TRIM47: variants seen among roughly 807,000 people sequenced by gnomAD.
The protein encoded by TRIM47 is E3 ubiquitin-protein ligase TRIM47.
Under a neutral mutation model 54.4 loss-of-function variants are expected in TRIM47, and 46 were observed. That is an observed-to-expected ratio of 0.84 (90% CI 0.67 to 1.08). The LOEUF (loss-of-function observed/expected upper bound fraction) is 1.08, where lower values mean the gene tolerates loss of function less well. Ranked by LOEUF, TRIM47 falls within the 50% of genes least tolerant of loss-of-function variation. The pLI is 0.00. For synonymous variants in TRIM47, 392 were observed against 410.2 expected (o/e 0.96, Z 0.54); for missense variants, 825 against 910.1 (o/e 0.91, Z 1.20).
intron 1 of TRIM47, chr17:75,877,591 G>C: frequency 9.7e-7 from 1 of 1,035,068 alleles, no homozygotes; most frequent in Non-Finnish European, 1.2e-6. Flanking sequence ...GGCCTAACCC[G>C]GCTCCCTCCC....
Position 75,874,588 on chromosome 17 carries a change from G to A in TRIM47, c.1812C>T (p.Leu604=). 1 of 1,543,808 alleles carries A rather than the reference G, an allele frequency of 6.5e-7. No homozygotes were observed. Among genetic ancestry groups the A allele is most frequent in the Admixed American group, 2.1e-5 (1 of 47,574 alleles). Reference sequence around the variant, plus strand: ...AGGCAGGCTTGAGTCTGTGGGTGAAGAGCCCCGCAAAGTGACTGTCCAGGC... The same window carrying A: ...AGGCAGGCTTGAGTCTGTGGGTGAAAAGCCCCGCAAAGTGACTGTCCAGGC... ...QSRLDSHFAG[L]FTHRLKPAFF... is the part of the protein sequence containing the mutation. The change falls in exon 6 of 6, where the codon CTC becomes CTT. Residue 604 remains leucine, a synonymous_variant. Transcript: ENST00000254816. This position sits in a 1 kb window ranked among gnomAD's most constrained non-coding sequence, Gnocchi z 6.2.
At position 75,877,892 on chromosome 17, in the gene TRIM47, C is replaced by T; in HGVS notation, c.657G>A (p.Gln219=). 3 of 1,404,914 alleles carry T rather than the reference C, an allele frequency of 2.1e-6. No homozygotes were observed. The highest frequency in any genetic ancestry group is 2.8e-6 in the Non-Finnish European group (3 of 1,082,310). The allele number at this position is 1,404,914 out of a possible 1,614,324, so 87.0% of individuals were successfully genotyped here. A position where few individuals can be genotyped will look rare whatever the true frequency, so the allele number is the denominator to read the frequency against. ...AGCCCACCTCCTGAAGCGCGCGCTC[C>T]TGCTCCAGCGGCACCAGCTCGTGGC... is the stretch of plus-strand genomic sequence containing the variant. The part of the protein sequence containing the change: ...HRGHELVPLE[Q]ERALQEAEQS... Residue 219 remains glutamine, a synonymous_variant, in exon 1 of 6, where the codon CAG becomes CAA. Transcript: ENST00000254816.
In TRIM47 at chr17:75,875,169, C is replaced by T. The variant is rs374649710; in HGVS notation, c.1277-46G>A. ...GAGAGGCAGGGCTCAGGGCCAGGCTCAGAGGGCACGGCCCCTCCCCAAGTA... is the reference window on the plus strand; with the variant it reads ...GAGAGGCAGGGCTCAGGGCCAGGCTTAGAGGGCACGGCCCCTCCCCAAGTA... On this transcript the variant is annotated intron_variant, in intron 5 of 5. Coordinates refer to ENST00000254816, the MANE Select transcript of TRIM47 (RefSeq NM_033452.3). This position sits in a 1 kb window ranked among gnomAD's most constrained non-coding sequence, Gnocchi z 6.1. 4 of 1,547,696 alleles carry T rather than the reference C, an allele frequency of 2.6e-6. No individual in the cohort carries two copies. Among genetic ancestry groups the T allele is most frequent in the Non-Finnish European group, 3.5e-6 (4 of 1,146,684 alleles).
At position 75,875,490 on chromosome 17, in the gene TRIM47, CAG is replaced by C; in HGVS notation, c.1202-18_1202-17del. On this transcript the variant is annotated splice_polypyrimidine_tract_variant and intron_variant, in intron 4 of 5. Coordinates refer to ENST00000254816, the MANE Select transcript of TRIM47 (RefSeq NM_033452.3). The surrounding 1 kb of genome is among the most constrained non-coding windows in gnomAD (Gnocchi z 6.1). The stretch of plus-strand genomic sequence containing the variant: ...TCAGCATCAGCTGTAGAAGAGGAGA[CAG>C]TGGTGAGAACGCCCCCAGACTGCCC... The C allele has an allele frequency of 6.2e-7, 1 of 1,613,296 alleles. No homozygotes were observed. Among genetic ancestry groups the C allele is most frequent in the Non-Finnish European group, 8.5e-7 (1 of 1,179,322 alleles).
Position 75,874,577 on chromosome 17 carries a change from C to T in TRIM47, c.1823G>A (p.Arg608Lys). Reference protein sequence around the residue: ...DSHFAGLFTHRLKPAFFLESV... With the variant: ...DSHFAGLFTHKLKPAFFLESV... ...CTCCAGGAAGAAGGCAGGCTTGAGT[C>T]TGTGGGTGAAGAGCCCCGCAAAGTG... Residue 608 changes from arginine (R) to lysine (K), a missense_variant, in exon 6 of 6, where the codon AGA (arginine) becomes AAA (lysine). By Grantham distance (26) the Arg-to-Lys change is conservative. Coordinates refer to ENST00000254816, the MANE Select transcript of TRIM47 (RefSeq NM_033452.3). This position sits in a 1 kb window ranked among gnomAD's most constrained non-coding sequence, Gnocchi z 6.2. The T allele has an allele frequency of 1.3e-6, 2 of 1,538,222 alleles. No homozygotes were observed. Among genetic ancestry groups the T allele is most frequent in the East Asian group, 2.3e-5 (1 of 44,186 alleles).
At position 75,878,360 on chromosome 17, in the gene TRIM47, G is replaced by GTT. The variant is rs775201260; in HGVS notation, c.188_189insAA (p.Asp63GlufsTer116). The GTT allele has an allele frequency of 1.4e-4, 197 of 1,361,970 alleles. 1 individual carries two copies. The African/African-American group carries it at 2.7e-3, about 18-fold the overall frequency. 84.4% of individuals were successfully genotyped at this position (1,361,970 alleles called of 1,614,324 possible). A position where few individuals can be genotyped will look rare whatever the true frequency, so the allele number is the denominator to read the frequency against. ...TGTGGTTCTTGCGGAGCTGAAGGCC[G>GTT]TCGGGGAAGGGCTCCTGGCACAGCG... is the stretch of plus-strand genomic sequence containing the variant. On this transcript the variant is annotated frameshift_variant, in exon 1 of 6. Coordinates refer to ENST00000254816, the MANE Select transcript of TRIM47 (RefSeq NM_033452.3). LOFTEE classifies it high-confidence loss of function.
At chr17:75,877,793 T>G (rs1005583070) in intron 1 of TRIM47, 81 bp downstream of exon 1, 278 of 1,270,974 alleles carry the variant, frequency 2.2e-4, no homozygotes, top group Non-Finnish European at 2.7e-4. Context: ...CCGGGAAGAC[T>G]GGGGGGTCCA....
rs1567834335 is a variant in TRIM47 at position 75,874,858 on chromosome 17, G to A, written c.1542C>T (p.Gly514=). ...GCAGGCAGCAGGAGTGGGCGTTGCG[G>A]CCCAGCCGGCCGCGGTCGTAGGGCT... The part of the protein sequence containing the change: ...PQEPYDRGRL[G]RNAHSCCLQW... Residue 514 remains glycine, a synonymous_variant, in exon 6 of 6, where the codon GGC becomes GGT. Coordinates refer to ENST00000254816, the MANE Select transcript of TRIM47 (RefSeq NM_033452.3). This position sits in a 1 kb window ranked among gnomAD's most constrained non-coding sequence, Gnocchi z 6.2. 3 of 1,614,144 alleles carry A rather than the reference G, an allele frequency of 1.9e-6. No homozygotes were observed. The South Asian group carries it at 3.3e-5, about 18-fold the overall frequency.
chr17:75,876,580 C>A (rs569487988), intron 2 of TRIM47, 88 bp from the exon 3 acceptor site: 2 of 1,502,678 alleles, frequency 1.3e-6, no homozygotes, highest in African/African-American at 1.4e-5. Context: ...GGCTTCCCAC[C>A]GGCCCTCTTG....
Position 75,876,059 on chromosome 17 carries a change from C to T in TRIM47, c.1043G>A (p.Gly348Asp). The T allele has an allele frequency of 1.2e-6, 2 of 1,602,032 alleles. No individual in the cohort carries two copies. Among genetic ancestry groups the T allele is most frequent in the East Asian group, 2.2e-5 (1 of 44,876 alleles). ...ALRLALEDGCGPGPGPPRELS... is the reference protein window; with the variant it reads ...ALRLALEDGCDPGPGPPRELS... Reference sequence around the variant, plus strand: ...CTCCCTCGGGGGTCCAGGCCCAGGGCCACACCCATCCTCCAGGGCCAGCCT... The same window carrying T: ...CTCCCTCGGGGGTCCAGGCCCAGGGTCACACCCATCCTCCAGGGCCAGCCT... The change falls in exon 4 of 6, where the codon GGC becomes GAC. Residue 348 changes from glycine (G) to aspartate (D), a missense_variant. Transcript: ENST00000254816.
At chr17:75,877,682 C>CT in intron 1 of TRIM47, 192 bp downstream of exon 1, 1 of 1,233,980 alleles carries the variant, frequency 8.1e-7, no homozygotes, top group East Asian at 3.2e-5. Context: ...CACGTCCCTC[C>CT]TTCCTCCCTT....
chr17:75,874,470 C>A lies in TRIM47; in HGVS notation c.*13G>T, dbSNP rs2065119123. ...TGGAGCAGAGACGGCAGCAGGAGCGCCCGTGCCCGGCATCACCTCCTCTTC... is the reference window on the plus strand; with the variant it reads ...TGGAGCAGAGACGGCAGCAGGAGCGACCGTGCCCGGCATCACCTCCTCTTC... On this transcript the variant is annotated 3_prime_UTR_variant, in exon 6 of 6. Transcript: ENST00000254816. This position sits in a 1 kb window ranked among gnomAD's most constrained non-coding sequence, Gnocchi z 6.2. 2 of 1,486,072 alleles carry A rather than the reference C, an allele frequency of 1.3e-6. No homozygotes were observed. Among genetic ancestry groups the A allele is most frequent in the Non-Finnish European group, 8.9e-7 (1 of 1,118,382 alleles). The allele number at this position is 1,486,072 out of a possible 1,614,324, so 92.1% of individuals were successfully genotyped here. A position where few individuals can be genotyped will look rare whatever the true frequency, so the allele number is the denominator to read the frequency against.
In TRIM47 at chr17:75,874,856, C is replaced by T. The variant is rs374555938; in HGVS notation, c.1544G>A (p.Arg515His). Reference protein sequence around the residue: ...QEPYDRGRLGRNAHSCCLQWN... With the variant: ...QEPYDRGRLGHNAHSCCLQWN... ...CTGCAGGCAGCAGGAGTGGGCGTTG[C>T]GGCCCAGCCGGCCGCGGTCGTAGGG... Residue 515 changes from arginine to histidine, a missense_variant, in exon 6 of 6, where the codon CGC (arginine) becomes CAC (histidine). Arg to His is a conservative substitution (Grantham distance 29, BLOSUM62 0). Transcript: ENST00000254816. This position sits in a 1 kb window ranked among gnomAD's most constrained non-coding sequence, Gnocchi z 6.2. 1.5e-5 allele frequency: 25 copies of T among 1,613,878 alleles called. No individual in the cohort carries two copies. Among genetic ancestry groups the T allele is most frequent in the Admixed American group, 8.3e-5 (5 of 60,008 alleles).
rs770605635 is a variant in TRIM47 at position 75,874,606 on chromosome 17, G to A, written c.1794C>T (p.Asp598=). ...GGGTGAAGAGCCCCGCAAAGTGACT[G>A]TCCAGGCGGCTCTGGAAGGGGTCAA... is the stretch of plus-strand genomic sequence containing the variant. ...SPIDPFQSRL[D]SHFAGLFTHR... Residue 598 remains aspartate (D), a synonymous_variant, in exon 6 of 6, where the codon GAC becomes GAT. Transcript: ENST00000254816. This position sits in a 1 kb window ranked among gnomAD's most constrained non-coding sequence, Gnocchi z 6.2. 10 of 1,566,174 alleles carry A rather than the reference G, an allele frequency of 6.4e-6. No homozygotes were observed. The South Asian group carries it at 1.1e-4, about 17-fold the overall frequency.
rs1034420382 is a variant in TRIM47, at chr17:75,874,867, G to A, written c.1533C>T (p.Gly511=). The change falls in exon 6 of 6, where the codon GGC becomes GGT. Residue 511 remains glycine, a synonymous_variant. Coordinates refer to ENST00000254816, the MANE Select transcript of TRIM47 (RefSeq NM_033452.3). This position sits in a 1 kb window ranked among gnomAD's most constrained non-coding sequence, Gnocchi z 6.2. ...AGGAGTGGGCGTTGCGGCCCAGCCG[G>A]CCGCGGTCGTAGGGCTCTTGTGGGG... ...DFSPQEPYDR[G]RLGRNAHSCC... is the part of the protein sequence containing the mutation. 2 of 1,614,056 alleles carry A rather than the reference G, an allele frequency of 1.2e-6. No individual in the cohort carries two copies. Among genetic ancestry groups the A allele is most frequent in the South Asian group, 1.1e-5 (1 of 91,094 alleles).
At chr17:75,877,087 C>T in intron 1 of TRIM47, 1 of 466,808 alleles carries the variant, frequency 2.1e-6, no homozygotes, top group Non-Finnish European at 3.9e-6. Flanking sequence ...CCGCTGGTCT[C>T]AGTGTTGCTC....
In TRIM47 at chr17:75,876,414, G is replaced by A. The variant is rs749381903; in HGVS notation, c.850C>T (p.Gln284Ter). The change falls in exon 3 of 6, where the codon CAG becomes TAG. Residue 284 changes from glutamine to a stop codon, truncating the protein, a stop_gained. Transcript: ENST00000254816. LOFTEE classifies it high-confidence loss of function. ...AAAALQGFQT[Q>*]VLGFIEEGEA... is the part of the protein sequence containing the mutation. ...CCCTCCTCGATGAAGCCCAGCACCT[G>A]GGTCTGGAAGCCCTGCAGGGCGGCC... 6.2e-7 allele frequency: 1 copy of A among 1,612,072 alleles called. No individual in the cohort carries two copies. Among genetic ancestry groups the A allele is most frequent in the Non-Finnish European group, 8.5e-7 (1 of 1,179,968 alleles).
At chr17:75,877,523 G>T in intron 1 of TRIM47, 1 of 411,910 alleles carries the variant, frequency 2.4e-6, no homozygotes, top group Non-Finnish European at 3.7e-6. Context: ...GCAAATCTGA[G>T]CTGAGACCGG....
chr17:75,878,533 G>A lies in TRIM47; in HGVS notation c.16C>T (p.Pro6Ser). Residue 6 changes from proline (P) to serine (S), a missense_variant, in exon 1 of 6, where the codon CCC becomes TCC. Physicochemically the swap from Pro to Ser is moderately conservative, Grantham distance 74. Coordinates refer to ENST00000254816, the MANE Select transcript of TRIM47 (RefSeq NM_033452.3). ...TCTAGGCAGATGGGGCAGCTGAAGGGTCCACTGCCGTCCATGACTCCGCGG... is the reference window on the plus strand; with the variant it reads ...TCTAGGCAGATGGGGCAGCTGAAGGATCCACTGCCGTCCATGACTCCGCGG... MDGSGPFSCPICLEPL... is the reference protein window; with the variant it reads MDGSGSFSCPICLEPL... 1 of 1,296,668 alleles carries A rather than the reference G, an allele frequency of 7.7e-7. No individual in the cohort carries two copies. The allele number at this position is 1,296,668 out of a possible 1,614,324, so 80.3% of individuals were successfully genotyped here. A position where few individuals can be genotyped will look rare whatever the true frequency, so the allele number is the denominator to read the frequency against.
Sources: gnomAD v4.1 joint callset for allele counts on GRCh38, gnomAD v4.1.1 for gene constraint, Gnocchi (gnomAD v3.1) non-coding constraint, MANE v1.5 for transcripts, NCBI Gene and HGNC (gene_info 2026-07-23, HGNC 2026-07-21) for gene names.